TOM1: variants seen among roughly 807,000 people sequenced by gnomAD.
The protein encoded by TOM1 is target of myb1 membrane trafficking protein.
In TOM1, 38 loss-of-function variants were observed where a neutral mutation model predicts 61.3. The ratio of observed to expected loss-of-function variants is 0.62; its 90% confidence interval spans 0.48 to 0.81. The LOEUF is 0.81. Among genes scored for constraint, TOM1 ranks in the 40% least tolerant of loss-of-function variants. The probability of loss-of-function intolerance (pLI) is 0.00; values close to 1 mark genes in which losing one functional copy is unlikely to be tolerated. For missense variants in TOM1, 591 were observed against 659.6 expected, an observed-to-expected ratio of 0.90 and a Z score of 1.14; for synonymous variants, 270 against 268.8, an observed-to-expected ratio of 1.00 and a Z score of -0.04.
chr22:35,307,177 C>T (rs1423285915), intron 1 of TOM1, among the ~76,000 whole-genome samples: 1 of 152,180 alleles, frequency 6.6e-6, no homozygotes. Context: ...AAACTTCTGT[C>T]TTTCATGTAG....
chr22:35,314,710 C>G (rs1927134782), intron 1 of TOM1, among the ~76,000 whole-genome samples: 1 of 152,024 alleles, frequency 6.6e-6, no homozygotes, highest in Admixed American at 6.6e-5. Flanking sequence ...AGGGCCAACT[C>G]CCTGTGTGGT....
At chr22:35,304,272 CAG>C (rs1926115226) in intron 1 of TOM1, among the ~76,000 whole-genome samples, 1 of 152,138 alleles carries the variant, frequency 6.6e-6, no homozygotes, top group South Asian at 2.1e-4. Context: ...ATTCTACCCT[CAG>C]ATAAGGACAT....
chr22:35,343,746 C>T (rs1308721962), intron 12 of TOM1, among the ~76,000 whole-genome samples: 2 of 149,550 alleles, frequency 1.3e-5, no homozygotes, highest in Non-Finnish European at 3.0e-5. Context: ...CACACCTACA[C>T]ACACACCCCT....
rs1370187922 is a variant in TOM1 at position 35,347,683 on chromosome 22, T to C, written c.*474T>C. 6.4e-6 allele frequency: 1 copy of C among 155,210 alleles called. No individual in the cohort carries two copies. The highest frequency in any genetic ancestry group is 1.4e-5 in the Non-Finnish European group (1 of 69,938). The allele number at this position is 155,210 out of a possible 1,614,324, so 9.6% of individuals were successfully genotyped here. A position where few individuals can be genotyped will look rare whatever the true frequency, so the allele number is the denominator to read the frequency against. ...GCTCTGCTGCATGGGGCCCCATGGCTTTGGCTGGCCACTGAGGGTAGGGTG... is the reference window on the plus strand; with the variant it reads ...GCTCTGCTGCATGGGGCCCCATGGCCTTGGCTGGCCACTGAGGGTAGGGTG... On this transcript the variant is annotated 3_prime_UTR_variant, in exon 15 of 15. Coordinates refer to ENST00000449058, the MANE Select transcript of TOM1 (RefSeq NM_005488.3).
chr22:35,315,843 T>C (rs1927232828), intron 1 of TOM1, among the ~76,000 whole-genome samples: 1 of 152,316 alleles, frequency 6.6e-6, no homozygotes, highest in Non-Finnish European at 1.5e-5. Flanking sequence ...TAGCAGGCAC[T>C]GTGGCTTCTT....
chr22:35,309,643 CAA>C (rs537199618), intron 1 of TOM1, among the ~76,000 whole-genome samples: 11 of 111,174 alleles, frequency 9.9e-5, no homozygotes, highest in African/African-American at 1.2e-4. Context: ...GACTCCATCT[CAA>C]AAAAAAAAAA....
At chr22:35,336,120 T>C (rs895264670) in intron 11 of TOM1, among the ~76,000 whole-genome samples, 36 of 152,172 alleles carry the variant, frequency 2.4e-4, no homozygotes, top group African/African-American at 8.0e-4. Context: ...TGAAACTGCC[T>C]TCAGCTGAGC....
chr22:35,324,013 C>A, intron 6 of TOM1, 99 bp downstream of exon 6: 2 of 1,414,644 alleles, frequency 1.4e-6, no homozygotes, highest in Non-Finnish European at 1.9e-6. Flanking sequence ...GGAGCCTCCA[C>A]TTCTTCCTCA....
chr22:35,303,222 C>G (rs1234315811), intron 1 of TOM1, among the ~76,000 whole-genome samples: 1 of 152,074 alleles, frequency 6.6e-6, no homozygotes, highest in Non-Finnish European at 1.5e-5. Flanking sequence ...CCAGATCACC[C>G]TTCAAAGTAC....
At chr22:35,313,811 G>T (rs1434792677) in intron 1 of TOM1, among the ~76,000 whole-genome samples, 2 of 152,206 alleles carry the variant, frequency 1.3e-5, no homozygotes, top group African/African-American at 4.8e-5. Flanking sequence ...AGGCTTGCCA[G>T]CCATAAACAA....
In TOM1 at chr22:35,347,437, T is replaced by G; in HGVS notation, c.*228T>G. 2.2e-6 allele frequency: 1 copy of G among 449,962 alleles called. No homozygotes were observed. The allele number at this position is 449,962 out of a possible 1,614,324, so 27.9% of individuals were successfully genotyped here. On this transcript the variant is annotated 3_prime_UTR_variant, in exon 15 of 15. Coordinates refer to ENST00000449058, the MANE Select transcript of TOM1 (RefSeq NM_005488.3). ...GTGGGATCTGGCTGCTCTGCCTCCT[T>G]TCCCACCCCAGCTGACCATGAGACT...
intron 12 of TOM1, among the ~76,000 whole-genome samples, chr22:35,343,547 CCACA>C (rs569983054): frequency 2.9e-5 from 4 of 139,022 alleles, no homozygotes; most frequent in Admixed American, 7.2e-5. Flanking sequence ...TCTACACCCA[CCACA>C]CACACCTACA....
At chr22:35,314,435 G>T (rs917383219) in intron 1 of TOM1, among the ~76,000 whole-genome samples, 1 of 151,402 alleles carries the variant, frequency 6.6e-6, no homozygotes, top group East Asian at 1.9e-4. Flanking sequence ...GGTCACATCA[G>T]ACTCATGCAC....
chr22:35,327,079 A>G (rs769558856), intron 6 of TOM1, among the ~76,000 whole-genome samples, 192 bp from the exon 7 acceptor site: 1 of 152,054 alleles, frequency 6.6e-6, no homozygotes, highest in Admixed American at 6.6e-5. Context: ...AGGGGTCTGT[A>G]GAAGGGGTGG....
intron 1 of TOM1, among the ~76,000 whole-genome samples, chr22:35,316,087 G>A (rs775947070): frequency 3.9e-5 from 6 of 152,254 alleles, no homozygotes; most frequent in East Asian, 3.8e-4. Context: ...ATAGACAGCC[G>A]GCAGCACTGT....
intron 1 of TOM1, among the ~76,000 whole-genome samples, chr22:35,307,608 G>A (rs774320696): frequency 2.0e-5 from 3 of 152,198 alleles, no homozygotes; most frequent in Admixed American, 6.5e-5. Context: ...TGCAAAGTGC[G>A]GTGGAGAACC....
intron 1 of TOM1, among the ~76,000 whole-genome samples, chr22:35,310,003 G>A (rs1290027298): frequency 6.6e-6 from 1 of 152,188 alleles, no homozygotes; most frequent in Non-Finnish European, 1.5e-5. Flanking sequence ...ACAACTATTG[G>A]AGTCAGCTCC....
At chr22:35,321,047 G>A (rs542303009) in intron 2 of TOM1, among the ~76,000 whole-genome samples, 3 of 150,290 alleles carry the variant, frequency 2.0e-5, no homozygotes, top group African/African-American at 7.3e-5. Context: ...TGGCCAGGAC[G>A]GGGCATCAGA....
chr22:35,306,965 G>A (rs1488373448), intron 1 of TOM1, among the ~76,000 whole-genome samples: 1 of 151,986 alleles, frequency 6.6e-6, no homozygotes, highest in Non-Finnish European at 1.5e-5. Context: ...TGGTGAATAG[G>A]TTTTATTCCC....
Sources: allele counts gnomAD v4.1 joint callset (sites outside exome capture counted in the v4.1 genomes callset), GRCh38; gene constraint gnomAD v4.1.1; transcripts MANE v1.5; gene names NCBI Gene and HGNC (gene_info 2026-07-23, HGNC 2026-07-21).